CIT: variants seen among roughly 807,000 people sequenced by gnomAD.
The protein encoded by CIT is citron Rho-interacting kinase.
Under a neutral mutation model 272.7 loss-of-function variants are expected in CIT, and 79 were observed. The observed-to-expected ratio is 0.29, with a 90% CI of 0.24 to 0.35. The LOEUF is 0.35. CIT is among the 10% of genes least tolerant of loss of function. The pLI is 1.00. For missense variants in CIT, 1,909 were observed against 2,618.3 expected (o/e 0.73, Z 5.91); for synonymous variants, 948 against 995.6 (o/e 0.95, Z 0.90).
At chr12:119,805,172 AT>A (rs1355942599) in intron 9 of CIT, among the ~76,000 whole-genome samples, 1 of 152,232 alleles carries the variant, frequency 6.6e-6, no homozygotes, top group Non-Finnish European at 1.5e-5. Flanking sequence ...GACTGAGGAA[AT>A]TTATGGAGAG....
Position 119,770,918 on chromosome 12 carries a change from T to C in CIT, c.2083-8A>G. 1 of 1,612,534 alleles carries C rather than the reference T, an allele frequency of 6.2e-7. No individual in the cohort carries two copies. The highest frequency in any genetic ancestry group is 8.5e-7 in the Non-Finnish European group (1 of 1,179,780). ...CAGAGAATGGCGGCGTTCCTGTAGA[T>C]CATGAATCAATCAGAGAGTTTTAAT... is the stretch of plus-strand genomic sequence containing the variant. On this transcript the variant is annotated splice_polypyrimidine_tract_variant and splice_region_variant and intron_variant, in intron 17 of 47. Transcript: ENST00000392521. The surrounding 1 kb of genome is among the most constrained non-coding windows in gnomAD (Gnocchi z 4.4).
intron 32 of CIT, among the ~76,000 whole-genome samples, chr12:119,715,477 G>A (rs1209539781): frequency 2.0e-5 from 3 of 152,118 alleles, no homozygotes; most frequent in Non-Finnish European, 2.9e-5. Flanking sequence ...GTCTAAGAGA[G>A]CAGATCGACA....
intron 3 of CIT, among the ~76,000 whole-genome samples, chr12:119,867,225 AT>A (rs1950541652): frequency 6.6e-6 from 1 of 151,774 alleles, no homozygotes; most frequent in Admixed American, 6.6e-5. Flanking sequence ...AGTCTCACTC[AT>A]TGCCCAAGCT....
intron 19 of CIT, 59 bp downstream of exon 19, chr12:119,767,028 G>T: frequency 7.9e-7 from 1 of 1,260,318 alleles, no homozygotes; most frequent in Non-Finnish European, 1.1e-6. Context: ...CCCAGGAAGA[G>T]ATGGGAGCTA....
rs1423707319 is a variant in CIT at position 119,752,051 on chromosome 12, G to A, written c.2903C>T (p.Thr968Met). 6 of 1,610,952 alleles carry A rather than the reference G, an allele frequency of 3.7e-6. No individual in the cohort carries two copies. The highest frequency in any genetic ancestry group is 2.2e-5 in the South Asian group (2 of 90,816). ...AEAEEEIQAL[T>M]AHRDEIQRKF... ...GAAGATGTTGCTCCCCAGACCTACCGTGAGTGCCTGGATCTCCTCTTCAGC... is the reference window on the plus strand; with the variant it reads ...GAAGATGTTGCTCCCCAGACCTACCATGAGTGCCTGGATCTCCTCTTCAGC... Residue 968 changes from threonine (T) to methionine (M), a missense_variant and splice_region_variant, in exon 23 of 48, where the codon ACG becomes ATG. Thr to Met is a moderately conservative substitution (Grantham distance 81). This residue lies in a region of CIT where 530 missense variants were observed against 822.4 expected (regional missense o/e 0.64). Coordinates refer to ENST00000392521, the MANE Select transcript of CIT (RefSeq NM_001206999.2).
intron 5 of CIT, among the ~76,000 whole-genome samples, chr12:119,848,513 CA>C (rs2138233903): frequency 1.3e-5 from 2 of 152,260 alleles, no homozygotes; most frequent in East Asian, 3.9e-4. Context: ...AGAACCTAAA[CA>C]AGGCCCCAAA....
At chr12:119,758,500 C>G (rs1961325251) in intron 21 of CIT, 91 bp downstream of exon 21, 2 of 826,022 alleles carry the variant, frequency 2.4e-6, no homozygotes, top group African/African-American at 3.3e-5. Context: ...TCAATCCACT[C>G]CAGCTCCATC....
intron 44 of CIT, among the ~76,000 whole-genome samples, chr12:119,699,256 C>CAAA (rs1181095399): frequency 9.7e-5 from 5 of 51,418 alleles, no homozygotes; most frequent in East Asian, 6.9e-4. Context: ...AAATCCGACT[C>CAAA]AAAAAAAAAA....
At chr12:119,705,821 G>A (rs925299793) in intron 40 of CIT, among the ~76,000 whole-genome samples, 6 of 148,160 alleles carry the variant, frequency 4.0e-5, no homozygotes, top group African/African-American at 1.5e-4. Context: ...CAGGTGCAGT[G>A]GCTCATGCCT....
intron 28 of CIT, among the ~76,000 whole-genome samples, chr12:119,723,129 CCA>C (rs1957890969): frequency 6.6e-6 from 1 of 151,940 alleles, no homozygotes; most frequent in African/African-American, 2.4e-5. Context: ...CTCAATCAAA[CCA>C]CAGAGCCCCC....
chr12:119,858,534 G>C (rs569552032), intron 3 of CIT, among the ~76,000 whole-genome samples: 2 of 151,076 alleles, frequency 1.3e-5, no homozygotes, highest in Non-Finnish European at 2.9e-5. Context: ...AAAAAAAGGC[G>C]TGGGGGCCAG....
intron 9 of CIT, among the ~76,000 whole-genome samples, chr12:119,809,929 G>A (rs992843797): frequency 1.3e-5 from 2 of 152,218 alleles, no homozygotes; most frequent in Admixed American, 6.5e-5. Context: ...AACACGTGGA[G>A]GTTCCTGGAG....
Position 119,833,457 on chromosome 12 carries a change from G to C in CIT, c.660-593C>G, listed in dbSNP as rs577674918. On this transcript the variant is annotated intron_variant, in intron 6 of 47. Coordinates refer to ENST00000392521, the MANE Select transcript of CIT (RefSeq NM_001206999.2). ...CAAGGTGGGTGGATCATGAGGTCAG[G>C]AGATCAAGACCATCCTGGCCAACCT... 3.6e-4 allele frequency among the ~76,000 whole-genome samples: 55 copies of C among 152,110 alleles called. 1 individual carries two copies. The Middle Eastern group carries it at 0.034, about 94-fold the overall frequency.
chr12:119,745,029 G>A (rs1959192788), intron 23 of CIT, among the ~76,000 whole-genome samples: 1 of 151,774 alleles, frequency 6.6e-6, no homozygotes, highest in African/African-American at 2.4e-5. Context: ...AGGAGTACAG[G>A]AGACAGAAAA....
chr12:119,849,213 G>A (rs867970711), intron 5 of CIT, among the ~76,000 whole-genome samples: 5 of 152,196 alleles, frequency 3.3e-5, no homozygotes, highest in South Asian at 2.1e-4. Context: ...GATCATTTGA[G>A]GTCAGGAGTT....
intron 10 of CIT, among the ~76,000 whole-genome samples, chr12:119,796,606 T>C (rs1251589698): frequency 1.3e-5 from 2 of 152,030 alleles, no homozygotes; most frequent in Non-Finnish European, 2.9e-5. Flanking sequence ...GAGGATGGGA[T>C]GGTGAGAAAC....
chr12:119,718,189 C>A lies in CIT; in HGVS notation c.4168+56G>T. On this transcript the variant is annotated intron_variant, in intron 32 of 47. Coordinates refer to ENST00000392521, the MANE Select transcript of CIT (RefSeq NM_001206999.2). This position sits in a 1 kb window ranked among gnomAD's most constrained non-coding sequence, Gnocchi z 4.8. The stretch of plus-strand genomic sequence containing the variant: ...CCCTAGTATTACTTGTAATTTTTAC[C>A]ATATGCCCACATGTCTTAGTCGACT... 1 of 1,543,828 alleles carries A rather than the reference C, an allele frequency of 6.5e-7. No individual in the cohort carries two copies. The highest frequency in any genetic ancestry group is 1.2e-5 in the South Asian group (1 of 81,468).
intron 27 of CIT, 78 bp downstream of exon 27, chr12:119,730,417 T>G: frequency 1.4e-6 from 2 of 1,472,354 alleles, no homozygotes; most frequent in South Asian, 1.3e-5. Context: ...TGGATTGCAT[T>G]TGAATTTTTA....
intron 5 of CIT, among the ~76,000 whole-genome samples, chr12:119,837,601 G>A (rs1284958921): frequency 2.0e-5 from 3 of 152,162 alleles, no homozygotes; most frequent in Non-Finnish European, 4.4e-5. Flanking sequence ...CACAGCATCT[G>A]GTTTTGTCCA....
Sources: gnomAD v4.1 joint callset for allele counts (sites outside exome capture counted in the v4.1 genomes callset) on GRCh38, gnomAD v4.1.1 for gene constraint, gnomAD v4.1.1 regional missense constraint, Gnocchi (gnomAD v3.1) non-coding constraint, MANE v1.5 for transcripts, NCBI Gene and HGNC (gene_info 2026-07-23, HGNC 2026-07-21) for gene names.